XPNPEP2: variants seen among roughly 807,000 people sequenced by gnomAD.
XPNPEP2 encodes xaa-Pro aminopeptidase 2.
A neutral mutation model predicts 59.8 loss-of-function variants in XPNPEP2; 64 were observed. The ratio of observed to expected loss-of-function variants is 1.07; its 90% CI spans 0.87 to 1.32. XPNPEP2 has a LOEUF of 1.32. Ranked by LOEUF, XPNPEP2 falls within the 40% of genes most tolerant of loss-of-function variation. XPNPEP2 has a pLI of 0.00. For missense variants in XPNPEP2, 575 were observed against 546.8 expected (o/e 1.05, Z -0.51); for synonymous variants, 235 against 210.0 (o/e 1.12, Z -1.03).
In XPNPEP2 at chrX:129,757,889, GAGAGAGAAAGAAAGAAAGAAAGAAAGAA is replaced by G. The variant is rs1444300301; in HGVS notation, c.1368-1287_1368-1260del. 3.1e-4 allele frequency among the ~76,000 whole-genome samples: 23 copies of G among 73,919 alleles called. 1 individual carries two copies. Among genetic ancestry groups the G allele is most frequent in the African/African-American group, 1.0e-3 (14 of 14,000 alleles). 64.2% of individuals were successfully genotyped at this position (73,919 alleles called of 115,157 possible). On this transcript the variant is annotated intron_variant, in intron 14 of 20. Transcript: ENST00000371106. The stretch of plus-strand genomic sequence containing the variant: ...AGAGAGAGAAAGAGAGAGAGAGAGA[GAGAGAGAAAGAAAGAAAGAAAGAAAGAA>G]AGAAAGAAAGAAAGAAAGAAAGAAA...
intron 9 of XPNPEP2, 145 bp downstream of exon 9, chrX:129,751,971 C>A: frequency 1.2e-6 from 1 of 808,969 alleles, no homozygotes; most frequent in South Asian, 2.4e-5. Flanking sequence ...TAGAAAACCC[C>A]CTGTTGTCTT....
intron 15 of XPNPEP2, 73 bp from the exon 16 acceptor site, chrX:129,760,439 A>G (rs1926635141): frequency 4.7e-5 from 52 of 1,095,967 alleles, no homozygotes; most frequent in Non-Finnish European, 5.8e-5. Context: ...CCGTGTATCC[A>G]TAGGCCAAGC....
chrX:129,742,160 A>G lies in XPNPEP2; in HGVS notation c.102A>G (p.Arg34=), dbSNP rs1408156284. 5.8e-6 allele frequency: 7 copies of G among 1,203,595 alleles called. No homozygotes were observed. Among genetic ancestry groups the G allele is most frequent in the Middle Eastern group, 2.4e-4 (1 of 4,220 alleles). The change falls in exon 2 of 21, where the codon AGA becomes AGG. Residue 34 remains arginine, a synonymous_variant. Transcript: ENST00000371106. ...KPVDLGGQDV[R]NCSTNPPYLP... is the part of the protein sequence containing the mutation. ...TGGACCTTGGAGGGCAGGATGTGAGAAACTGTTCCACCAACCCCCCTGTGA... is the reference window on the plus strand; with the variant it reads ...TGGACCTTGGAGGGCAGGATGTGAGGAACTGTTCCACCAACCCCCCTGTGA...
chrX:129,752,143 C>G lies in XPNPEP2; in HGVS notation c.822-7C>G, dbSNP rs1569476685. 1 of 1,208,943 alleles carries G rather than the reference C, an allele frequency of 8.3e-7. No individual in the cohort carries two copies. Among genetic ancestry groups the G allele is most frequent in the Non-Finnish European group, 1.1e-6 (1 of 893,806 alleles). ...CAGGACCCTCCTTGTCTTCCCACCC[C>G]ACCCAGGTTGTTTGCAAACAAGAGT... On this transcript the variant is annotated splice_polypyrimidine_tract_variant and splice_region_variant and intron_variant, in intron 9 of 20. Transcript: ENST00000371106.
chrX:129,743,614 A>G (rs1433796328), intron 2 of XPNPEP2, among the ~76,000 whole-genome samples: 1 of 112,393 alleles, frequency 8.9e-6, no homozygotes, highest in Non-Finnish European at 1.9e-5. Flanking sequence ...CCAGGTAGCC[A>G]AAGAAGGACT....
Position 129,745,072 on chromosome X carries a change from G to A in XPNPEP2, c.235-131G>A, listed in dbSNP as rs138168676. 924 of 698,416 alleles carry A rather than the reference G, an allele frequency of 1.3e-3. 9 individuals carry two copies. In the African/African-American group the frequency reaches 0.015, roughly 11 times the overall value. The allele number at this position is 698,416 out of a possible 1,213,427, so 57.6% of individuals were successfully genotyped here. A position where few individuals can be genotyped will look rare whatever the true frequency, so the allele number is the denominator to read the frequency against. ...AGAGGGCTTCCTGGAAGAGGCACTT[G>A]GTGTGCTTGGGCTTGTAGCTGACAA... On this transcript the variant is annotated intron_variant, in intron 3 of 20. Coordinates refer to ENST00000371106, the MANE Select transcript of XPNPEP2 (RefSeq NM_003399.6).
At chrX:129,762,465 A>T (rs926475128) in intron 18 of XPNPEP2, among the ~76,000 whole-genome samples, 19 of 111,849 alleles carry the variant, frequency 1.7e-4, no homozygotes, top group Admixed American at 3.8e-4. Flanking sequence ...GCTGGGCTAC[A>T]GGGAAGAGAG....
intron 13 of XPNPEP2, among the ~76,000 whole-genome samples, chrX:129,756,050 C>A (rs996248732): frequency 8.9e-6 from 1 of 112,327 alleles, no homozygotes; most frequent in Non-Finnish European, 1.9e-5. Context: ...GGGCCCTCTG[C>A]TCTCGGAGGC....
chrX:129,746,405 G>C (rs1926297800), intron 5 of XPNPEP2, 65 bp downstream of exon 5: 1 of 1,077,888 alleles, frequency 9.3e-7, no homozygotes, highest in African/African-American at 1.8e-5. Context: ...GGAAGGTATA[G>C]GTGAGAGCGT....
At chrX:129,755,951 G>T (rs1040437448) in intron 13 of XPNPEP2, among the ~76,000 whole-genome samples, 27 of 112,140 alleles carry the variant, frequency 2.4e-4, no homozygotes, top group Non-Finnish European at 4.5e-4. Context: ...GGCTAGAGTG[G>T]CAGGGTGGGT....
intron 16 of XPNPEP2, among the ~76,000 whole-genome samples, chrX:129,760,900 G>A (rs189248514): frequency 2.7e-5 from 3 of 112,065 alleles, no homozygotes; most frequent in African/African-American, 9.7e-5. Flanking sequence ...CCTGACAGAT[G>A]GGGAGAAATT....
Position 129,751,570 on chromosome X carries a change from G to T in XPNPEP2, c.740-175G>T, listed in dbSNP as rs1964517818. Among the ~76,000 whole-genome samples, 4 of 68,895 alleles carry T rather than the reference G, an allele frequency of 5.8e-5. No homozygotes were observed. The South Asian group carries it at 3.6e-3, about 63-fold the overall frequency. 59.8% of individuals were successfully genotyped at this position (68,895 alleles called of 115,157 possible). A position where few individuals can be genotyped will look rare whatever the true frequency, so the allele number is the denominator to read the frequency against. ...AGAAAGAAAGAAAGAAAGAAAGAAA[G>T]AAAGAAAGAAAGAAAGAAAGAAAGA... On this transcript the variant is annotated intron_variant, in intron 8 of 20. Coordinates refer to ENST00000371106, the MANE Select transcript of XPNPEP2 (RefSeq NM_003399.6).
chrX:129,761,370 C>G, intron 17 of XPNPEP2, 94 bp downstream of exon 17: 1 of 792,648 alleles, frequency 1.3e-6, no homozygotes, highest in Non-Finnish European at 1.8e-6. Flanking sequence ...TGACAAAGAC[C>G]CACAAAGATG....
intron 3 of XPNPEP2, among the ~76,000 whole-genome samples, 177 bp downstream of exon 3, chrX:129,744,248 C>T: frequency 8.9e-6 from 1 of 112,401 alleles, no homozygotes; most frequent in East Asian, 2.8e-4. Flanking sequence ...TATCCCTCTA[C>T]ATAGGCGGGC....
chrX:129,762,607 C>G (rs1926678487), intron 18 of XPNPEP2, 87 bp from the exon 19 acceptor site: 2 of 850,659 alleles, frequency 2.4e-6, no homozygotes, highest in African/African-American at 3.9e-5. Context: ...GACAGCCAGT[C>G]CCTCCAGCCA....
At chrX:129,741,204 T>A (rs1316766071) in intron 1 of XPNPEP2, among the ~76,000 whole-genome samples, 1 of 108,321 alleles carries the variant, frequency 9.2e-6, no homozygotes, top group Non-Finnish European at 1.9e-5. Flanking sequence ...CACTCTAAAT[T>A]GGGGGCAGAG....
At chrX:129,746,189 G>A (rs780517400) in intron 4 of XPNPEP2, 47 bp from the exon 5 acceptor site, 16 of 1,123,404 alleles carry the variant, frequency 1.4e-5, no homozygotes, top group Middle Eastern at 3.3e-4. Context: ...CTAATGCCAC[G>A]TTCCTCCCCT....
chrX:129,756,118 T>G (rs1926512491), intron 13 of XPNPEP2, among the ~76,000 whole-genome samples: 2 of 112,692 alleles, frequency 1.8e-5, no homozygotes, highest in Admixed American at 9.3e-5. Context: ...CCCAGCTCTT[T>G]GCCGCTTTAC....
rs1243774403 is a variant in XPNPEP2 at position 129,757,887 on chromosome X, GAGAGAGAGAAAGAA to G, written c.1368-1289_1368-1276del. ...GGAGAGAGAGAAAGAGAGAGAGAGAGAGAGAGAGAAAGAAAGAAAGAAAGAAAGAAAGAAAGAAA... is the reference window on the plus strand; with the variant it reads ...GGAGAGAGAGAAAGAGAGAGAGAGAGAGAAAGAAAGAAAGAAAGAAAGAAA... On this transcript the variant is annotated intron_variant, in intron 14 of 20. Coordinates refer to ENST00000371106, the MANE Select transcript of XPNPEP2 (RefSeq NM_003399.6). 6.7e-3 allele frequency among the ~76,000 whole-genome samples: 556 copies of G among 82,604 alleles called. 10 individuals carry two copies. The highest frequency in any genetic ancestry group is 0.024 in the African/African-American group (430 of 18,049). 71.7% of individuals were successfully genotyped at this position (82,604 alleles called of 115,157 possible).
Sources: allele counts gnomAD v4.1 joint callset (sites outside exome capture counted in the v4.1 genomes callset), GRCh38; gene constraint gnomAD v4.1.1; transcripts MANE v1.5; gene names NCBI Gene and HGNC (gene_info 2026-07-23, HGNC 2026-07-21).